Variants in WNT11 observed in about 807,000 individuals in gnomAD.
WNT11 encodes protein Wnt-11.
In WNT11, 20 loss-of-function variants were observed where a neutral mutation model predicts 35.6. The observed-to-expected ratio is 0.56, with a 90% CI of 0.40 to 0.82. The LOEUF (loss-of-function observed/expected upper bound fraction) is 0.82, where lower values mean the gene tolerates loss of function less well. Among genes scored for constraint, WNT11 ranks in the 40% least tolerant of loss-of-function variants. WNT11 has a pLI of 0.00. For missense variants in WNT11, 459 were observed against 504.4 expected, an observed-to-expected ratio of 0.91 and a Z score of 0.86; for synonymous variants, 200 against 211.9, an observed-to-expected ratio of 0.94 and a Z score of 0.49.
Position 76,191,779 on chromosome 11 carries a change from C to G in WNT11, c.675G>C (p.Lys225Asn). 1 of 1,612,888 alleles carries G rather than the reference C, an allele frequency of 6.2e-7. No homozygotes were observed. Among genetic ancestry groups the G allele is most frequent in the Non-Finnish European group, 8.5e-7 (1 of 1,180,030 alleles). ...CCACATCCTGCAGCTCCTGCAGCCC[C>G]TTCCAGCAGGTGCGGATGGAGCAGG... is the stretch of plus-strand genomic sequence containing the variant. ...SGSCSIRTCW[K>N]GLQELQDVAA... The change falls in exon 4 of 5, where the codon AAG becomes AAC. Residue 225 changes from lysine to asparagine, a missense_variant. Coordinates refer to ENST00000322563, the MANE Select transcript of WNT11 (RefSeq NM_004626.3).
chr11:76,193,497 G>C (rs1953219542), intron 3 of WNT11, among the ~76,000 whole-genome samples: 1 of 152,246 alleles, frequency 6.6e-6, no homozygotes, highest in South Asian at 2.1e-4. Context: ...AGGGGTAGGG[G>C]ACAGGTCAGC....
At position 76,196,640 on chromosome 11, in the gene WNT11, T is replaced by A; in HGVS notation, c.162A>T (p.Ala54=). ...HCKQLEGLVS[A]QVQLCRSNLE... Reference sequence around the variant, plus strand: ...GGTTGCTGCGGCACAGCTGCACCTGTGCAGACACCAGACCCTCCAGCTGCT... The same window carrying A: ...GGTTGCTGCGGCACAGCTGCACCTGAGCAGACACCAGACCCTCCAGCTGCT... The change falls in exon 2 of 5, where the codon GCA becomes GCT. Residue 54 remains alanine (A), a synonymous_variant. Coordinates refer to ENST00000322563, the MANE Select transcript of WNT11 (RefSeq NM_004626.3). 2 of 1,613,662 alleles carry A rather than the reference T, an allele frequency of 1.2e-6. No homozygotes were observed. The highest frequency in any genetic ancestry group is 1.7e-6 in the Non-Finnish European group (2 of 1,180,020).
At position 76,194,706 on chromosome 11, in the gene WNT11, C is replaced by A; in HGVS notation, c.458G>T (p.Arg153Leu). ...VPGEPPGPGN[R>L]WGGCADNLSY... Reference sequence around the variant, plus strand: ...GAGGTTGTCCGCACATCCTCCCCAGCGGTTCCCGGGCCCGGGTGGCTCACC... The same window carrying A: ...GAGGTTGTCCGCACATCCTCCCCAGAGGTTCCCGGGCCCGGGTGGCTCACC... The change falls in exon 3 of 5, where the codon CGC becomes CTC. Residue 153 changes from arginine to leucine, a missense_variant. Arg to Leu is a moderately radical substitution (Grantham distance 102). Transcript: ENST00000322563. The surrounding 1 kb of genome is among the most constrained non-coding windows in gnomAD (Gnocchi z 5.4). The A allele has an allele frequency of 1.9e-6, 3 of 1,550,506 alleles. No homozygotes were observed. The highest frequency in any genetic ancestry group is 2.0e-4 in the Middle Eastern group (1 of 5,028).
At chr11:76,196,394 AC>A (rs3215303) in intron 2 of WNT11, 88 bp downstream of exon 2, 465,860 of 1,464,132 alleles carry the variant, frequency 0.32, 77,197 homozygotes, top group African/African-American at 0.48. Flanking sequence ...CCACCCATGA[AC>A]CCATCCCTCC....
intron 1 of WNT11, among the ~76,000 whole-genome samples, chr11:76,200,124 G>A (rs1170955152): frequency 6.6e-6 from 1 of 152,102 alleles, no homozygotes; most frequent in African/African-American, 2.4e-5. Flanking sequence ...AGAAAGCAGG[G>A]CCTGGTGTCT....
chr11:76,208,192 C>G (rs1425939147), upstream of WNT11, among the ~76,000 whole-genome samples: 2 of 152,224 alleles, frequency 1.3e-5, no homozygotes, highest in Non-Finnish European at 2.9e-5. Flanking sequence ...CTATTTGCAC[C>G]GCGACGCCAC....
chr11:76,201,808 T>G (rs541479563), intron 1 of WNT11, among the ~76,000 whole-genome samples: 1 of 152,132 alleles, frequency 6.6e-6, no homozygotes, highest in Non-Finnish European at 1.5e-5. Context: ...GGCTTTGACA[T>G]TGGTAACACA....
upstream of WNT11, chr11:76,206,624 T>A: frequency 5.0e-6 from 5 of 995,064 alleles, no homozygotes; most frequent in Non-Finnish European, 5.1e-6. Context: ...CCCCTCCCGC[T>A]CCGCCCGGCC....
At chr11:76,207,486 G>C (rs931494087), upstream of WNT11, among the ~76,000 whole-genome samples, 17 of 152,140 alleles carry the variant, frequency 1.1e-4, no homozygotes, top group Admixed American at 3.9e-4. Context: ...ACAGAGGTGG[G>C]GTTCAGCTAG....
At chr11:76,188,941 G>A (rs1953136281) in intron 4 of WNT11, among the ~76,000 whole-genome samples, 1 of 152,236 alleles carries the variant, frequency 6.6e-6, no homozygotes, top group Non-Finnish European at 1.5e-5. Context: ...CAGTGCTGGG[G>A]GAGAGGCCAG....
At chr11:76,198,325 C>A (rs1158273226) in intron 1 of WNT11, among the ~76,000 whole-genome samples, 1 of 152,234 alleles carries the variant, frequency 6.6e-6, no homozygotes, top group Non-Finnish European at 1.5e-5. Flanking sequence ...ACTACAGTTA[C>A]CACCTTGGTG....
chr11:76,189,220 G>T (rs537996196), intron 4 of WNT11, among the ~76,000 whole-genome samples: 3 of 152,232 alleles, frequency 2.0e-5, no homozygotes, highest in African/African-American at 7.2e-5. Context: ...TACCCTGAAG[G>T]GTAGGAAGGA....
upstream of WNT11, among the ~76,000 whole-genome samples, chr11:76,209,842 T>C (rs1218408408): frequency 6.6e-6 from 1 of 150,854 alleles, no homozygotes; most frequent in Non-Finnish European, 1.5e-5. Flanking sequence ...CTCAGCCAGA[T>C]GTTCCGGGCG....
intron 1 of WNT11, among the ~76,000 whole-genome samples, chr11:76,205,665 G>A (rs1305392232): frequency 6.6e-6 from 1 of 152,176 alleles, no homozygotes; most frequent in Non-Finnish European, 1.5e-5. Flanking sequence ...ACCACCCCCA[G>A]CCCCCTGAGC....
chr11:76,197,580 A>G (rs570867337), intron 1 of WNT11, among the ~76,000 whole-genome samples: 1 of 152,202 alleles, frequency 6.6e-6, no homozygotes, highest in South Asian at 2.1e-4. Flanking sequence ...GCAAAGCAAC[A>G]GGCTTGGTGT....
At chr11:76,190,829 G>C (rs1453294405) in intron 4 of WNT11, 4 of 152,240 alleles carry the variant, frequency 2.6e-5, no homozygotes, top group African/African-American at 9.7e-5. Context: ...TCTCGTAGGA[G>C]ATCGGGACCA....
chr11:76,204,454 C>T (rs979302495), intron 1 of WNT11, among the ~76,000 whole-genome samples: 1 of 152,216 alleles, frequency 6.6e-6, no homozygotes, highest in Admixed American at 6.5e-5. Flanking sequence ...TGCCTCCCGC[C>T]TAGGACGCCT....
At chr11:76,195,415 G>A (rs955269852) in intron 2 of WNT11, among the ~76,000 whole-genome samples, 1 of 152,224 alleles carries the variant, frequency 6.6e-6, no homozygotes, top group Non-Finnish European at 1.5e-5. Context: ...CTTGCCCTGT[G>A]ATGACAGAGG....
In WNT11 at chr11:76,186,808, T is replaced by C. The variant is rs1212723899; in HGVS notation, c.*257A>G. 1.7e-6 allele frequency: 1 copy of C among 605,578 alleles called. No homozygotes were observed. The highest frequency in any genetic ancestry group is 1.5e-5 in the South Asian group (1 of 65,902). The allele number at this position is 605,578 out of a possible 1,614,324, so 37.5% of individuals were successfully genotyped here. A position where few individuals can be genotyped will look rare whatever the true frequency, so the allele number is the denominator to read the frequency against. On this transcript the variant is annotated 3_prime_UTR_variant, in exon 5 of 5. Coordinates refer to ENST00000322563, the MANE Select transcript of WNT11 (RefSeq NM_004626.3). ...AAGCCCCGCTCCTTACACCAGCCTG[T>C]GGGCACTCCAGAGCCTCAGGCTGCC...
Sources: gnomAD v4.1 joint callset for allele counts (sites outside exome capture counted in the v4.1 genomes callset) on GRCh38, gnomAD v4.1.1 for gene constraint, Gnocchi (gnomAD v3.1) non-coding constraint, MANE v1.5 for transcripts, NCBI Gene and HGNC (gene_info 2026-07-23, HGNC 2026-07-21) for gene names.